The following ABCA8 variants were observed in gnomAD, a reference collection of about 807,000 sequenced individuals.
ABCA8 encodes ATP binding cassette subfamily A member 8.
Under a neutral mutation model 192.3 loss-of-function variants are expected in ABCA8, and 177 were observed. The ratio of observed to expected loss-of-function variants is 0.92; its 90% CI spans 0.81 to 1.04. The LOEUF is 1.04. Ranked by LOEUF, ABCA8 falls within the 50% of genes least tolerant of loss-of-function variation. The pLI, the probability that ABCA8 is intolerant of heterozygous loss-of-function variation, is 0.00. For synonymous variants in ABCA8, 642 were observed against 690.2 expected (o/e 0.93, Z 1.09); for missense variants, 1,915 against 1,904.8 (o/e 1.01, Z -0.10).
chr17:68,941,860 T>C, intron 3 of ABCA8, 79 bp downstream of exon 3: 2 of 972,710 alleles, frequency 2.1e-6, no homozygotes, highest in Non-Finnish European at 1.6e-6. Flanking sequence ...TCGGGGGAGA[T>C]ACACATGGCA....
Position 68,876,610 on chromosome 17 carries a change from A to ACCAAGCC in ABCA8, c.4275+11_4275+17dup, listed in dbSNP as rs1598183488. On this transcript the variant is annotated intron_variant, in intron 34 of 39. Coordinates refer to ENST00000586539, the MANE Select transcript of ABCA8 (RefSeq NM_001288985.2). ...CCATCTATGGCACTTGCAGAGCAAC[A>ACCAAGCC]CCAAGCCCTGCCCGTACCTTTCTCT... 6.2e-7 allele frequency: 1 copy of ACCAAGCC among 1,614,008 alleles called. No individual in the cohort carries two copies. Among genetic ancestry groups the ACCAAGCC allele is most frequent in the African/African-American group, 1.3e-5 (1 of 74,926 alleles).
intron 17 of ABCA8, among the ~76,000 whole-genome samples, chr17:68,910,423 G>A (rs1368609554): frequency 6.6e-6 from 1 of 152,140 alleles, no homozygotes; most frequent in African/African-American, 2.4e-5. Flanking sequence ...CACAGAGGGA[G>A]CATTTAGACC....
At chr17:68,921,113 C>T (rs1454945121) in intron 13 of ABCA8, among the ~76,000 whole-genome samples, 3 of 152,108 alleles carry the variant, frequency 2.0e-5, no homozygotes, top group Non-Finnish European at 2.9e-5. Context: ...AAAAACCAAA[C>T]GCCGCATGTT....
chr17:68,944,535 G>A (rs560886550), intron 2 of ABCA8: 1 of 151,184 alleles, frequency 6.6e-6, no homozygotes, highest in Non-Finnish European at 1.5e-5. Flanking sequence ...ATCTTGGGGA[G>A]GAGTTAAAGC....
chr17:68,884,929 A>G, intron 27 of ABCA8: 3 of 828,544 alleles, frequency 3.6e-6, no homozygotes, highest in Non-Finnish European at 4.4e-6. Flanking sequence ...CAAGGAGGAA[A>G]TAAGGCCCCA....
chr17:68,902,014 TC>T (rs1213529351), intron 21 of ABCA8, among the ~76,000 whole-genome samples: 2 of 152,194 alleles, frequency 1.3e-5, no homozygotes, highest in African/African-American at 4.8e-5. Context: ...GCAGCATTTT[TC>T]GTAATATCCA....
rs2067221253 is a variant in ABCA8, at chr17:68,911,242, T to A, written c.2139-3363A>T. 6.6e-6 allele frequency among the ~76,000 whole-genome samples: 1 copy of A among 152,104 alleles called. No homozygotes were observed. The highest frequency in any genetic ancestry group is 2.1e-4 in the South Asian group (1 of 4,814). On this transcript the variant is annotated intron_variant, in intron 17 of 39. Transcript: ENST00000586539. The surrounding 1 kb of genome is among the most constrained non-coding windows in gnomAD (Gnocchi z 5.7). ...GAGCTGCTACCCAGGCCTGGCAGCA[T>A]GTACTACAAGCTGCCTGAAGTCCCT...
rs181116385 is a variant in ABCA8 at position 68,873,633 on chromosome 17, G to A, written c.4631+1627C>T. 4.6e-5 allele frequency among the ~76,000 whole-genome samples: 7 copies of A among 152,288 alleles called. 1 individual carries two copies. The highest frequency in any genetic ancestry group is 7.3e-5 in the Non-Finnish European group (5 of 68,032). The stretch of plus-strand genomic sequence containing the variant: ...CCATGAACTCATTGCCAAGACCAAT[G>A]TCATGAAGCTTTCCTCCTATGTTTT... On this transcript the variant is annotated intron_variant, in intron 37 of 39. Transcript: ENST00000586539.
Position 68,954,209 on chromosome 17 carries a change from C to G in ABCA8, c.-167+1010G>C, listed in dbSNP as rs201558514. 3.4e-4 allele frequency among the ~76,000 whole-genome samples: 43 copies of G among 127,504 alleles called. 1 individual carries two copies. The East Asian group carries it at 7.9e-3, about 24-fold the overall frequency. The allele number at this position is 127,504 out of a possible 152,430, so 83.6% of individuals were successfully genotyped here. A position where few individuals can be genotyped will look rare whatever the true frequency, so the allele number is the denominator to read the frequency against. On this transcript the variant is annotated intron_variant, in intron 1 of 39. Coordinates refer to ENST00000586539, the MANE Select transcript of ABCA8 (RefSeq NM_001288985.2). ...CCCTCCCCCCACCCCACAACAGTCCCCAGAGTGTGATGTTTCCCTACACTC... is the reference window on the plus strand; with the variant it reads ...CCCTCCCCCCACCCCACAACAGTCCGCAGAGTGTGATGTTTCCCTACACTC...
rs538062630 is a variant in ABCA8, at chr17:68,890,933, G to T, written c.3144+556C>A. On this transcript the variant is annotated intron_variant, in intron 24 of 39. Coordinates refer to ENST00000586539, the MANE Select transcript of ABCA8 (RefSeq NM_001288985.2). ...TCTTCTTCCCCATCTGAAAAATATT[G>T]CCTATCACAAGATCTGTGATTCATT... 4.6e-5 allele frequency among the ~76,000 whole-genome samples: 7 copies of T among 152,166 alleles called. No individual in the cohort carries two copies. The South Asian group carries it at 1.5e-3, about 32-fold the overall frequency.
At position 68,891,580 on chromosome 17, in the gene ABCA8, G is replaced by A; in HGVS notation, c.3053C>T (p.Pro1018Leu). ...STFLENGQDN[P>L]IGFLAYIMFW... is the part of the protein sequence containing the mutation. ...CATGATATATGCCAGGAATCCGATT[G>A]GATTGTCCTGTCCATTCTGAAAAAC... Residue 1018 changes from proline to leucine, a missense_variant, in exon 24 of 40, where the codon CCA (proline) becomes CTA (leucine). Pro to Leu is a moderately conservative substitution (Grantham distance 98, BLOSUM62 -3). Coordinates refer to ENST00000586539, the MANE Select transcript of ABCA8 (RefSeq NM_001288985.2). The A allele has an allele frequency of 6.2e-7, 1 of 1,611,890 alleles. No homozygotes were observed. The highest frequency in any genetic ancestry group is 1.1e-5 in the South Asian group (1 of 90,988).
At chr17:68,929,503 G>A in intron 8 of ABCA8, 58 bp downstream of exon 8, 4 of 1,554,514 alleles carry the variant, frequency 2.6e-6, no homozygotes, top group Non-Finnish European at 3.5e-6. Context: ...TAATCAGTCG[G>A]AAACAAACAA....
chr17:68,949,074 G>A (rs1411553035), intron 2 of ABCA8, among the ~76,000 whole-genome samples: 1 of 152,072 alleles, frequency 6.6e-6, no homozygotes, highest in African/African-American at 2.4e-5. Context: ...TAATTTCTGA[G>A]GTCTCTGTCC....
At chr17:68,942,087 A>G in intron 2 of ABCA8, 48 bp from the exon 3 acceptor site, 1 of 1,398,232 alleles carries the variant, frequency 7.2e-7, no homozygotes, top group Non-Finnish European at 1.0e-6. Flanking sequence ...GAAGTTCTTA[A>G]GAAAAAGAAA....
rs1248275453 is a variant in ABCA8, at chr17:68,933,844, T to C, written c.467-573A>G. On this transcript the variant is annotated intron_variant, in intron 5 of 39. Coordinates refer to ENST00000586539, the MANE Select transcript of ABCA8 (RefSeq NM_001288985.2). ...AGAGATATCCTTGAATAAGATGAAT[T>C]AAAATTGAGTATAGGAATTAAATGC... Among the ~76,000 whole-genome samples the C allele has an allele frequency of 1.3e-5, 2 of 152,058 alleles. 1 individual carries two copies. The highest frequency in any genetic ancestry group is 4.1e-4 in the South Asian group (2 of 4,832).
At chr17:68,873,623 C>T (rs1391116466) in intron 37 of ABCA8, among the ~76,000 whole-genome samples, 1 of 152,130 alleles carries the variant, frequency 6.6e-6, no homozygotes, top group African/African-American at 2.4e-5. Flanking sequence ...AACTCATTGC[C>T]AAGACCAATG....
In ABCA8 at chr17:68,935,262, T is replaced by TTGTGTGTGTGTGTGTGTGTGTG. The variant is rs71144641; in HGVS notation, c.466+1667_466+1688dup. Among the ~76,000 whole-genome samples the TTGTGTGTGTGTGTGTGTGTGTG allele has an allele frequency of 5.0e-3, 682 of 136,056 alleles. 10 individuals are homozygous for TTGTGTGTGTGTGTGTGTGTGTG. The highest frequency in any genetic ancestry group is 0.021 in the South Asian group (86 of 4,186). The allele number at this position is 136,056 out of a possible 152,430, so 89.3% of individuals were successfully genotyped here. A position where few individuals can be genotyped will look rare whatever the true frequency, so the allele number is the denominator to read the frequency against. On this transcript the variant is annotated intron_variant, in intron 5 of 39. Transcript: ENST00000586539. ...GGCAGACGCTGCCACGCCTGGCTAA[T>TTGTGTGTGTGTGTGTGTGTGTG]TGTGTGTGTGTGTGTGTGTGTGTGT...
At chr17:68,882,189 G>T (rs74715448) in intron 30 of ABCA8, among the ~76,000 whole-genome samples, 1,564 of 152,216 alleles carry the variant, frequency 0.01, 25 homozygotes, top group African/African-American at 0.036. Flanking sequence ...TACAAAGGCA[G>T]TTTTTTCAGG....
At chr17:68,918,612 C>CA in intron 14 of ABCA8, 66 bp from the exon 15 acceptor site, 2 of 1,409,004 alleles carry the variant, frequency 1.4e-6, no homozygotes, top group South Asian at 3.1e-5. Flanking sequence ...TTTATAAATA[C>CA]AAGGCTGTAA....
Sources: gnomAD v4.1 joint callset for allele counts (sites outside exome capture counted in the v4.1 genomes callset) on GRCh38, gnomAD v4.1.1 for gene constraint, Gnocchi (gnomAD v3.1) non-coding constraint, MANE v1.5 for transcripts, NCBI Gene and HGNC (gene_info 2026-07-23, HGNC 2026-07-21) for gene names.